The following PZP variants were observed in gnomAD, a reference collection of about 807,000 sequenced individuals.
PZP encodes the protein pregnancy zone protein.
In PZP, 150 loss-of-function variants were observed where a neutral mutation model predicts 179.8. The ratio of observed to expected loss-of-function variants is 0.83; its 90% CI spans 0.73 to 0.96. The LOEUF (loss-of-function observed/expected upper bound fraction) is 0.96. PZP is among the 40% of genes least tolerant of loss of function. The pLI is 0.00. For missense variants in PZP, 1,689 were observed against 1,764.0 expected (o/e 0.96, Z 0.76); for synonymous variants, 624 against 652.3 (o/e 0.96, Z 0.66).
chr12:9,147,476 G>A (rs1263461177), downstream of PZP, among the ~76,000 whole-genome samples: 4 of 152,112 alleles, frequency 2.6e-5, no homozygotes, highest in Admixed American at 6.6e-5. Flanking sequence ...CTCATAAGCC[G>A]TAGCATGTCC....
chr12:9,152,303 C>G lies in PZP; in HGVS notation c.4129G>C (p.Gly1377Arg), dbSNP rs1056573548. Residue 1377 changes from glycine (G) to arginine (R), a missense_variant, in exon 32 of 36, where the codon GGA becomes CGA. Physicochemically the swap from Gly to Arg is moderately radical, Grantham distance 125. This residue lies in a region of PZP where 746 missense variants were observed against 749.2 expected (regional missense o/e 1.00). Transcript: ENST00000261336. ...FQISLTISYT[G>R]NRPASNMVIV... ...ACCATATTGGAAGCAGGACGGTTTCCTGTGTAACTGTAGTGTCAAAGGAAA... is the reference window on the plus strand; with the variant it reads ...ACCATATTGGAAGCAGGACGGTTTCGTGTGTAACTGTAGTGTCAAAGGAAA... 2.5e-6 allele frequency: 4 copies of G among 1,611,560 alleles called. No individual in the cohort carries two copies. The African/African-American group carries it at 5.3e-5, about 22-fold the overall frequency.
At chr12:9,151,283 T>C (rs777416055) in intron 33 of PZP, among the ~76,000 whole-genome samples, 1 of 152,328 alleles carries the variant, frequency 6.6e-6, no homozygotes, top group South Asian at 2.1e-4. Context: ...GATTTATCAC[T>C]TCAAGTTTAA....
At position 9,161,124 on chromosome 12, in the gene PZP, AACAG is replaced by A. The variant is rs1941172968; in HGVS notation, c.2789-12_2789-9del. The A allele has an allele frequency of 2.6e-6, 4 of 1,549,022 alleles. No individual in the cohort carries two copies. Among genetic ancestry groups the A allele is most frequent in the Non-Finnish European group, 3.5e-6 (4 of 1,130,786 alleles). Reference sequence around the variant, plus strand: ...GCTCAGACACATTAGCACCTTTAGAAACAGACAGCCCATGTTAAAGGAGGACATC... The same window carrying A: ...GCTCAGACACATTAGCACCTTTAGAAACAGCCCATGTTAAAGGAGGACATC... On this transcript the variant is annotated splice_polypyrimidine_tract_variant and intron_variant, in intron 22 of 35. Transcript: ENST00000261336.
chr12:9,158,976 C>A lies in PZP; in HGVS notation c.3138-400G>T, dbSNP rs762094626. Among the ~76,000 whole-genome samples, 6 of 152,244 alleles carry A rather than the reference C, an allele frequency of 3.9e-5. No homozygotes were observed. The East Asian group carries it at 1.2e-3, about 29-fold the overall frequency. On this transcript the variant is annotated intron_variant, in intron 25 of 35. Coordinates refer to ENST00000261336, the MANE Select transcript of PZP (RefSeq NM_002864.3). ...TGTAGTTTTAACTCTAATCAGCTAA[C>A]TTCTAATGTTCTGCTTCAGTAAATA...
chr12:9,162,536 C>T (rs1048930082), intron 22 of PZP, 61 bp downstream of exon 22: 12 of 1,181,680 alleles, frequency 1.0e-5, no homozygotes, highest in African/African-American at 1.5e-5. Flanking sequence ...TGCATTGTAA[C>T]TTGAGGTTTA....
chr12:9,190,927 G>T (rs181332144), intron 13 of PZP, among the ~76,000 whole-genome samples: 1 of 152,224 alleles, frequency 6.6e-6, no homozygotes, highest in Admixed American at 6.5e-5. Context: ...TATCATAGAG[G>T]TGTAAGTGCT....
chr12:9,160,101 C>T, intron 24 of PZP, 76 bp from the exon 25 acceptor site: 2 of 1,378,642 alleles, frequency 1.5e-6, no homozygotes, highest in Non-Finnish European at 2.0e-6. Context: ...GCTCATGCAT[C>T]CAGGCGCCAT....
At chr12:9,142,071 A>C in the PZP span, among the ~76,000 whole-genome samples, 1 of 152,182 alleles carries the variant, frequency 6.6e-6, no homozygotes, top group Non-Finnish European at 1.5e-5. Context: ...TGTTGTAAAC[A>C]TCCCTCTCTT....
At chr12:9,184,926 C>G (rs935016973) in intron 13 of PZP, among the ~76,000 whole-genome samples, 1 of 152,150 alleles carries the variant, frequency 6.6e-6, no homozygotes, top group African/African-American at 2.4e-5. Context: ...AGGAAAAAAT[C>G]AAAACAACAG....
rs201508939 is a variant in PZP, at chr12:9,157,218, A to G, written c.3507T>C (p.Asn1169=). Residue 1169 remains asparagine (N), a synonymous_variant, in exon 28 of 36, where the codon AAT becomes AAC. Coordinates refer to ENST00000261336, the MANE Select transcript of PZP (RefSeq NM_002864.3). ...TATCAAGTGAGTTCAGTATTTCTCT[A>G]TTCTGATTTTGCTTTCCCAGTAGGG... is the stretch of plus-strand genomic sequence containing the variant. The part of the protein sequence containing the change: ...AFSLLGKQNQ[N]REILNSLDKE... 6.2e-7 allele frequency: 1 copy of G among 1,614,012 alleles called. No homozygotes were observed. The highest frequency in any genetic ancestry group is 1.3e-5 in the African/African-American group (1 of 75,000).
chr12:9,152,454 C>CA (rs1940430415), intron 31 of PZP, 144 bp from the exon 32 acceptor site: 1 of 653,772 alleles, frequency 1.5e-6, no homozygotes, highest in Non-Finnish European at 2.7e-6. Context: ...TGGACTTGTG[C>CA]AACACTGACA....
chr12:9,166,227 T>C, intron 17 of PZP, 25 bp from the exon 18 acceptor site: 5 of 1,604,666 alleles, frequency 3.1e-6, no homozygotes, highest in Non-Finnish European at 4.2e-6. Flanking sequence ...AATTGTCTAG[T>C]TAGGGAAAAA....
At chr12:9,148,700 C>A (rs982014915), downstream of PZP, 1 of 375,180 alleles carries the variant, frequency 2.7e-6, no homozygotes, top group Non-Finnish European at 4.8e-6. Flanking sequence ...AATTTCTTTA[C>A]CTGCAACCTC....
chr12:9,138,235 A>G, the PZP span, among the ~76,000 whole-genome samples: 1 of 151,920 alleles, frequency 6.6e-6, no homozygotes, highest in African/African-American at 2.4e-5. Context: ...AGAATGTTGA[A>G]TTTTGTCAAA....
At chr12:9,168,682 A>G (rs1007764042) in intron 17 of PZP, 187 bp downstream of exon 17, 1 of 441,148 alleles carries the variant, frequency 2.3e-6, no homozygotes, top group African/African-American at 2.0e-5. Context: ...GGATGTATCT[A>G]AAAAAAAATC....
At chr12:9,161,245 G>C (rs535912109) in intron 22 of PZP, 129 bp from the exon 23 acceptor site, 37 of 706,026 alleles carry the variant, frequency 5.2e-5, no homozygotes, top group Middle Eastern at 5.0e-4. Context: ...TTGTGACCTT[G>C]GGTAAATTGT....
chr12:9,171,441 A>G (rs1328243284), intron 15 of PZP, among the ~76,000 whole-genome samples: 3 of 152,252 alleles, frequency 2.0e-5, no homozygotes, highest in Non-Finnish European at 2.9e-5. Context: ...AAAATGCCAG[A>G]GTGTCTCTTC....
At position 9,160,443 on chromosome 12, in the gene PZP, T is replaced by C; in HGVS notation, c.2920A>G (p.Met974Val). 1 of 1,614,068 alleles carries C rather than the reference T, an allele frequency of 6.2e-7. No individual in the cohort carries two copies. The highest frequency in any genetic ancestry group is 8.5e-7 in the Non-Finnish European group (1 of 1,179,914). The change falls in exon 24 of 36, where the codon ATG (methionine) becomes GTG (valine). Residue 974 changes from methionine to valine, a missense_variant. Met to Val is a conservative substitution (Grantham distance 21, BLOSUM62 1). Transcript: ENST00000261336. ...TTCTGTTCTCCACAGCCATATGGCA[T>C]CTGGAGGAGATTTTGTATATTTTGC... ...AMQNIQNLLQ[M>V]PYGCGEQNMV...
intron 28 of PZP, among the ~76,000 whole-genome samples, chr12:9,155,480 TTTGTTGTTGTTATTGTTG>T (rs1396774072): frequency 6.8e-6 from 1 of 147,498 alleles, no homozygotes; most frequent in Non-Finnish European, 1.5e-5. Flanking sequence ...TGTTTTGTTT[TTTGTTGTTGTTATTGTTG>T]TTGTTGTTGT....
Sources: allele counts gnomAD v4.1 joint callset (sites outside exome capture counted in the v4.1 genomes callset), GRCh38; gene constraint gnomAD v4.1.1; regional missense constraint gnomAD v4.1.1; transcripts MANE v1.5; gene names NCBI Gene and HGNC (gene_info 2026-07-23, HGNC 2026-07-21).